The following FTCDNL1 variants were observed in gnomAD, a reference collection of about 807,000 sequenced individuals.
The protein encoded by FTCDNL1 is formiminotransferase N-terminal subdomain-containing protein.
FTCDNL1 carries 11 observed loss-of-function variants against 5.9 expected under a neutral mutation model. The observed-to-expected ratio is 1.87, with a 90% CI of 1.18 to 3.10. The LOEUF is 3.10. Among genes scored for constraint, FTCDNL1 ranks in the 30% most tolerant of loss-of-function variants. The probability of loss-of-function intolerance (pLI) is 0.00; values close to 1 mark genes in which losing one functional copy is unlikely to be tolerated. For synonymous variants in FTCDNL1, 58 were observed against 24.8 expected, an observed-to-expected ratio of 2.34 and a Z score of -3.99; for missense variants, 115 against 65.5, an observed-to-expected ratio of 1.76 and a Z score of -2.61.
At chr2:199,762,394 G>A (rs1350619098) in intron 3 of FTCDNL1, among the ~76,000 whole-genome samples, 6 of 152,084 alleles carry the variant, frequency 3.9e-5, no homozygotes, top group African/African-American at 1.4e-4. Context: ...AAAACAGAAA[G>A]AAAGTTTACA....
chr2:199,675,478 A>G, the FTCDNL1 span, among the ~76,000 whole-genome samples: 1 of 152,214 alleles, frequency 6.6e-6, no homozygotes. Flanking sequence ...ATTAATAACT[A>G]CATTAGCCAT....
chr2:199,806,981 C>T (rs1360214789), downstream of FTCDNL1, among the ~76,000 whole-genome samples: 1 of 152,198 alleles, frequency 6.6e-6, no homozygotes, highest in Non-Finnish European at 1.5e-5. Flanking sequence ...ATATTCCATA[C>T]ATTGTCCACC....
At chr2:199,723,494 C>T in the FTCDNL1 span, among the ~76,000 whole-genome samples, 1 of 152,076 alleles carries the variant, frequency 6.6e-6, no homozygotes, top group East Asian at 1.9e-4. Flanking sequence ...AGCTTTTGCC[C>T]ATTCAGTATG....
chr2:199,792,898 C>T (rs1167002017), intron 3 of FTCDNL1, among the ~76,000 whole-genome samples: 1 of 152,072 alleles, frequency 6.6e-6, no homozygotes, highest in Non-Finnish European at 1.5e-5. Context: ...ACCATCAATA[C>T]TGGTTAAATT....
the FTCDNL1 span, among the ~76,000 whole-genome samples, chr2:199,686,281 G>C: frequency 6.6e-6 from 1 of 152,132 alleles, no homozygotes; most frequent in Non-Finnish European, 1.5e-5. Flanking sequence ...TTATTTCCTG[G>C]AGTGCAGTTG....
At chr2:199,768,589 T>G (rs1230375312) in intron 3 of FTCDNL1, among the ~76,000 whole-genome samples, 5 of 151,728 alleles carry the variant, frequency 3.3e-5, no homozygotes, top group Non-Finnish European at 5.9e-5. Context: ...TTTTTTTAAT[T>G]AGGAAATCAG....
chr2:199,769,447 G>A (rs986317837), intron 3 of FTCDNL1, among the ~76,000 whole-genome samples: 4 of 150,962 alleles, frequency 2.6e-5, no homozygotes, highest in African/African-American at 9.8e-5. Flanking sequence ...ACATGACTTT[G>A]CTCCTCATCT....
exon 4 of FTCDNL1, chr2:199,760,695 A>C: frequency 1.6e-6 from 1 of 639,028 alleles, no homozygotes; most frequent in East Asian, 2.8e-5. Context: ...CATCTTTTTA[A>C]AAAGAATTAA....
chr2:199,756,033 G>A (rs183336061), downstream of FTCDNL1, among the ~76,000 whole-genome samples: 435 of 152,258 alleles, frequency 2.9e-3, no homozygotes, highest in African/African-American at 0.01. Context: ...TCAACTGTGT[G>A]GTAAAATGAA....
At chr2:199,822,363 CA>C (rs1286537165) in intron 3 of FTCDNL1, among the ~76,000 whole-genome samples, 1 of 152,150 alleles carries the variant, frequency 6.6e-6, no homozygotes, top group South Asian at 2.1e-4. Context: ...GAGATCATGC[CA>C]CTGTACTCCA....
chr2:199,720,058 G>A, the FTCDNL1 span, among the ~76,000 whole-genome samples: 22 of 152,130 alleles, frequency 1.4e-4, no homozygotes, highest in South Asian at 4.4e-3. Flanking sequence ...TTGATCCTCA[G>A]CTAGACTGTT....
chr2:199,690,506 C>T, the FTCDNL1 span, among the ~76,000 whole-genome samples: 1 of 152,134 alleles, frequency 6.6e-6, no homozygotes, highest in Non-Finnish European at 1.5e-5. Context: ...ATGTCCTCTG[C>T]CTTTCTGTGA....
chr2:199,790,757 T>C (rs1450038392), intron 3 of FTCDNL1, among the ~76,000 whole-genome samples: 1 of 152,210 alleles, frequency 6.6e-6, no homozygotes, highest in Non-Finnish European at 1.5e-5. Flanking sequence ...AATTTTACTT[T>C]ACACTTGAGT....
the FTCDNL1 span, among the ~76,000 whole-genome samples, chr2:199,734,875 A>C: frequency 9.2e-5 from 14 of 152,210 alleles, no homozygotes; most frequent in Non-Finnish European, 1.9e-4. Flanking sequence ...ATTTCTCTTG[A>C]AACATACATG....
chr2:199,696,714 G>C, the FTCDNL1 span, among the ~76,000 whole-genome samples: 1 of 151,950 alleles, frequency 6.6e-6, no homozygotes, highest in Non-Finnish European at 1.5e-5. Flanking sequence ...GAATGAACTA[G>C]TGCAAAAACT....
chr2:199,679,678 C>A, the FTCDNL1 span, among the ~76,000 whole-genome samples: 36 of 151,820 alleles, frequency 2.4e-4, no homozygotes, highest in African/African-American at 7.7e-4. Flanking sequence ...TCAAATCATA[C>A]GTGAACCTAC....
the FTCDNL1 span, among the ~76,000 whole-genome samples, chr2:199,748,521 A>G: frequency 0.015 from 2,296 of 152,298 alleles, 53 homozygotes; most frequent in East Asian, 0.15. Flanking sequence ...AAGGTGCCAC[A>G]AAGACAGGTC....
chr2:199,819,367 T>A (rs944411321), intron 4 of FTCDNL1: 6 of 574,986 alleles, frequency 1.0e-5, no homozygotes, highest in African/African-American at 7.5e-5. Flanking sequence ...GGGGCCCTCA[T>A]CAAATACTTG....
intron 4 of FTCDNL1, among the ~76,000 whole-genome samples, chr2:199,816,223 C>G (rs1378603214): frequency 2.0e-5 from 3 of 152,154 alleles, no homozygotes; most frequent in Non-Finnish European, 4.4e-5. Flanking sequence ...CTGCTTTGAG[C>G]CTACTAAATG....
Sources: gnomAD v4.1 joint callset for allele counts (sites outside exome capture counted in the v4.1 genomes callset) on GRCh38, gnomAD v4.1.1 for gene constraint, MANE v1.5 for transcripts, NCBI Gene and HGNC (gene_info 2026-07-23, HGNC 2026-07-21) for gene names.